The following ACACB variants were observed in gnomAD, a reference collection of about 807,000 sequenced individuals.
The protein encoded by ACACB is acetyl-CoA carboxylase 2.
In ACACB, 209 loss-of-function variants were observed where a neutral mutation model predicts 278.8. That is an observed-to-expected ratio of 0.75 (90% CI 0.67 to 0.84). The LOEUF is 0.84. Among genes scored for constraint, ACACB ranks in the 40% least tolerant of loss-of-function variants. ACACB has a pLI of 0.00. For missense variants in ACACB, 2,850 were observed against 3,269.0 expected (o/e 0.87, Z 3.13); for synonymous variants, 1,174 against 1,285.6 (o/e 0.91, Z 1.86).
Position 109,237,247 on chromosome 12 carries a change from T to A in ACACB, c.4529T>A (p.Leu1510Gln). ...LELNRMRNFD[L>Q]TAVPCANHKM... ...CTTAACCGGATGCGTAACTTCGATC[T>A]GACCGCCGTGCCCTGTGCCAACCAC... The change falls in exon 34 of 53, where the codon CTG becomes CAG. Residue 1510 changes from leucine to glutamine, a missense_variant. Transcript: ENST00000338432. 2.5e-6 allele frequency: 4 copies of A among 1,614,228 alleles called. No homozygotes were observed. Among genetic ancestry groups the A allele is most frequent in the Non-Finnish European group, 2.5e-6 (3 of 1,180,034 alleles).
chr12:109,226,766 G>A (rs186825450), intron 27 of ACACB, among the ~76,000 whole-genome samples: 19 of 150,500 alleles, frequency 1.3e-4, no homozygotes, highest in African/African-American at 4.4e-4. Flanking sequence ...CCACAGCTAC[G>A]TCCGTGCTAA....
upstream of ACACB, among the ~76,000 whole-genome samples, chr12:109,112,460 T>C (rs1458724804): frequency 2.6e-5 from 4 of 151,836 alleles, no homozygotes; most frequent in Admixed American, 6.6e-5. Flanking sequence ...CCCAGCACTT[T>C]GGGTGGCCGA....
chr12:109,139,701 C>A lies in ACACB; in HGVS notation c.296C>A (p.Pro99His), dbSNP rs763702236. Residue 99 changes from proline to histidine, a missense_variant, in exon 2 of 53, where the codon CCC (proline) becomes CAC (histidine). This residue lies in a region of ACACB where 2,265 missense variants were observed against 2,561.3 expected (regional missense o/e 0.88). Transcript: ENST00000338432. ...TCCCTACCACCCTCCCACCAGAAGC[C>A]CCCAAGAAACCCCCTTTCTTCCAGT... The part of the protein sequence containing the change: ...RNSLPPSHQK[P>H]PRNPLSSSDA... 6.2e-7 allele frequency: 1 copy of A among 1,613,938 alleles called. No homozygotes were observed. Among genetic ancestry groups the A allele is most frequent in the African/African-American group, 1.3e-5 (1 of 74,926 alleles).
intron 19 of ACACB, among the ~76,000 whole-genome samples, chr12:109,202,187 C>CT: frequency 6.6e-6 from 1 of 150,610 alleles, no homozygotes; most frequent in East Asian, 1.9e-4. Context: ...TTTTAATAGA[C>CT]TTAATTTTTA....
At chr12:109,151,610 G>A (rs1239641190) in intron 2 of ACACB, among the ~76,000 whole-genome samples, 1 of 152,218 alleles carries the variant, frequency 6.6e-6, no homozygotes, top group Admixed American at 6.5e-5. Flanking sequence ...GTAAGTTCAA[G>A]CCCATGGATG....
chr12:109,194,511 C>CGTGTGT (rs529461816), intron 16 of ACACB, among the ~76,000 whole-genome samples: 13,122 of 54,182 alleles, frequency 0.24, 923 homozygotes, highest in Non-Finnish European at 0.29. Context: ...TCTGTGTGTG[C>CGTGTGT]ATGTGTGTGT....
At chr12:109,160,336 C>T (rs1030401254) in intron 2 of ACACB, among the ~76,000 whole-genome samples, 1 of 152,154 alleles carries the variant, frequency 6.6e-6, no homozygotes, top group African/African-American at 2.4e-5. Flanking sequence ...AAATGGTCCT[C>T]TCTGAACCTC....
intron 21 of ACACB, 41 bp from the exon 22 acceptor site, chr12:109,212,795 T>G: frequency 1.3e-6 from 2 of 1,541,558 alleles, no homozygotes. Context: ...GTGTGTCATC[T>G]GAATCATCAG....
chr12:109,252,097 C>T lies in ACACB; in HGVS notation c.5842C>T (p.Arg1948Ter), dbSNP rs554134867. The T allele has an allele frequency of 1.1e-5, 17 of 1,613,548 alleles. No individual in the cohort carries two copies. The highest frequency in any genetic ancestry group is 3.3e-5 in the Admixed American group (2 of 59,932). The change falls in exon 42 of 53, where the codon CGA becomes TGA. Residue 1948 changes from arginine (R) to a stop codon, truncating the protein, a stop_gained. Transcript: ENST00000338432. LOFTEE classifies it high-confidence loss of function. ...IGAYLVRLGQRVIQVENSHII... is the reference protein window; with the variant it reads ...IGAYLVRLGQ ...GGCCTACTTGGTGAGGCTGGGCCAG[C>T]GAGTGATCCAGGTGGAGAATTCCCA...
chr12:109,138,682 T>C (rs751572508), intron 1 of ACACB, among the ~76,000 whole-genome samples: 1 of 151,898 alleles, frequency 6.6e-6, no homozygotes, highest in Non-Finnish European at 1.5e-5. Context: ...CATGGTGAAA[T>C]TCTGTCTCCA....
At chr12:109,133,397 A>G (rs1490303229) in intron 1 of ACACB, among the ~76,000 whole-genome samples, 1 of 151,882 alleles carries the variant, frequency 6.6e-6, no homozygotes, top group Non-Finnish European at 1.5e-5. Context: ...CCCATGGCTA[A>G]TTTTTATATT....
At chr12:109,208,916 C>G (rs993998915) in intron 20 of ACACB, among the ~76,000 whole-genome samples, 1 of 152,158 alleles carries the variant, frequency 6.6e-6, no homozygotes, top group African/African-American at 2.4e-5. Flanking sequence ...TTTGATCCCC[C>G]ACACCATGCT....
intron 39 of ACACB, 146 bp downstream of exon 39, chr12:109,246,594 G>A (rs1400232681): frequency 3.8e-5 from 37 of 982,076 alleles, no homozygotes; most frequent in Non-Finnish European, 5.3e-5. Flanking sequence ...CAGGCATACA[G>A]TGTATCAGTG....
intron 2 of ACACB, 38 bp downstream of exon 2, chr12:109,140,096 A>G (rs2043065800): frequency 6.5e-7 from 1 of 1,534,740 alleles, no homozygotes; most frequent in African/African-American, 1.4e-5. Context: ...AGGAGTGCAG[A>G]GTTCAGGTGG....
intron 28 of ACACB, among the ~76,000 whole-genome samples, chr12:109,230,359 T>TG (rs1441188965): frequency 6.6e-6 from 1 of 152,198 alleles, no homozygotes; most frequent in African/African-American, 2.4e-5. Context: ...TCTGGGGATT[T>TG]GGAGAGCAGT....
rs1400598679 is a variant in ACACB at position 109,179,897 on chromosome 12, C to T, written c.1648-20C>T. The stretch of plus-strand genomic sequence containing the variant: ...AAAAGACCTCTGGAACCCCCTTGGC[C>T]TCTTTCTGTTTCTTCACAGTGTGCC... On this transcript the variant is annotated intron_variant, in intron 10 of 52. Coordinates refer to ENST00000338432, the MANE Select transcript of ACACB (RefSeq NM_001093.4). The T allele has an allele frequency of 5.0e-6, 8 of 1,593,590 alleles. No individual in the cohort carries two copies. The highest frequency in any genetic ancestry group is 1.3e-5 in the African/African-American group (1 of 74,678).
intron 1 of ACACB, among the ~76,000 whole-genome samples, chr12:109,137,428 G>A (rs574564382): frequency 6.6e-6 from 1 of 152,168 alleles, no homozygotes; most frequent in South Asian, 2.1e-4. Flanking sequence ...GGGAGGCAGA[G>A]GTGGGCGGAT....
At chr12:109,232,633 C>T (rs1232121955) in intron 28 of ACACB, 36 bp from the exon 29 acceptor site, 3 of 1,603,698 alleles carry the variant, frequency 1.9e-6, no homozygotes, top group Non-Finnish European at 2.6e-6. Context: ...GGTCTGCAAG[C>T]AGCTGCCTCA....
chr12:109,181,229 C>CTTT (rs1219593155), intron 11 of ACACB, among the ~76,000 whole-genome samples: 7 of 130,784 alleles, frequency 5.4e-5, no homozygotes, highest in African/African-American at 1.2e-4. Flanking sequence ...TTTTTCTTTT[C>CTTT]TTTTTTTTTT....
Sources: gnomAD v4.1 joint callset for allele counts (sites outside exome capture counted in the v4.1 genomes callset) on GRCh38, gnomAD v4.1.1 for gene constraint, gnomAD v4.1.1 regional missense constraint, MANE v1.5 for transcripts, NCBI Gene and HGNC (gene_info 2026-07-23, HGNC 2026-07-21) for gene names.